Variants in RPS6KC1 observed in about 807,000 individuals in gnomAD.
The protein encoded by RPS6KC1 is ribosomal protein S6 kinase C1.
Under a neutral mutation model 103.8 loss-of-function variants are expected in RPS6KC1, and 54 were observed. That is an observed-to-expected ratio of 0.52 (90% CI 0.42 to 0.65). The LOEUF is 0.65. Ranked by LOEUF, RPS6KC1 falls within the 30% of genes least tolerant of loss-of-function variation. The probability of loss-of-function intolerance (pLI) is 0.00; values close to 1 mark genes in which losing one functional copy is unlikely to be tolerated. For missense variants in RPS6KC1, 1,151 were observed against 1,253.8 expected, an observed-to-expected ratio of 0.92 and a Z score of 1.24; for synonymous variants, 439 against 438.7, an observed-to-expected ratio of 1.00 and a Z score of -0.01.
the RPS6KC1 span, among the ~76,000 whole-genome samples, chr1:213,300,808 G>A: frequency 2.0e-5 from 3 of 152,196 alleles, no homozygotes; most frequent in Non-Finnish European, 2.9e-5. Context: ...TTAAATGTTC[G>A]CCAAATATCA....
the RPS6KC1 span, among the ~76,000 whole-genome samples, chr1:213,683,857 C>T: frequency 1.3e-5 from 2 of 152,108 alleles, no homozygotes; most frequent in African/African-American, 4.8e-5. Context: ...TCCCTCCTCA[C>T]CCTGGGAAAG....
At chr1:213,200,640 A>G (rs190400954) in intron 8 of RPS6KC1, among the ~76,000 whole-genome samples, 230 of 152,358 alleles carry the variant, frequency 1.5e-3, no homozygotes, top group Non-Finnish European at 2.8e-3. Context: ...AATGGGATCT[A>G]TTTAAACTAA....
At chr1:213,305,795 T>G in the RPS6KC1 span, among the ~76,000 whole-genome samples, 1 of 152,186 alleles carries the variant, frequency 6.6e-6, no homozygotes, top group African/African-American at 2.4e-5. Flanking sequence ...CCAGCTCATC[T>G]CTCCTATGTG....
At chr1:213,649,725 A>G in the RPS6KC1 span, among the ~76,000 whole-genome samples, 1 of 152,062 alleles carries the variant, frequency 6.6e-6, no homozygotes, top group Admixed American at 6.6e-5. Flanking sequence ...GCTCCTCGAG[A>G]GCTAGGACTG....
chr1:213,431,822 C>A, the RPS6KC1 span, among the ~76,000 whole-genome samples: 1 of 152,054 alleles, frequency 6.6e-6, no homozygotes, highest in Non-Finnish European at 1.5e-5. Context: ...GCATGCACTA[C>A]GGATGAAATT....
chr1:213,773,021 C>G, the RPS6KC1 span, among the ~76,000 whole-genome samples: 1 of 152,172 alleles, frequency 6.6e-6, no homozygotes, highest in Non-Finnish European at 1.5e-5. Flanking sequence ...AACGTCCCCT[C>G]TAAAGACCAT....
At chr1:213,403,224 C>T in the RPS6KC1 span, among the ~76,000 whole-genome samples, 68 of 152,266 alleles carry the variant, frequency 4.5e-4, no homozygotes, top group Middle Eastern at 3.4e-3. Context: ...CCACTTGCCA[C>T]GCTTTTCAAC....
chr1:213,769,515 G>GAA, the RPS6KC1 span, among the ~76,000 whole-genome samples: 1 of 67,228 alleles, frequency 1.5e-5, no homozygotes, highest in Admixed American at 1.6e-4. Context: ...GAGAGAGATG[G>GAA]ACAGAGAGAG....
chr1:213,149,193 T>C (rs2088285947), intron 6 of RPS6KC1, among the ~76,000 whole-genome samples: 1 of 152,174 alleles, frequency 6.6e-6, no homozygotes. Flanking sequence ...TTATTATTTT[T>C]TTCTACTCAT....
At chr1:213,818,918 T>C in the RPS6KC1 span, 1 of 152,236 alleles carries the variant, frequency 6.6e-6, no homozygotes, top group Non-Finnish European at 1.5e-5. Flanking sequence ...CTGGGAGTGT[T>C]CGCTAGTCCT....
Position 213,272,794 on chromosome 1 carries a change from G to C in RPS6KC1, c.*160G>C. ...GGAAATGGCTAAAAGAGAACAATTC[G>C]TTTACAATTACAAGATATTAGCTAA... On this transcript the variant is annotated 3_prime_UTR_variant, in exon 15 of 15. Transcript: ENST00000366960. 1 of 564,460 alleles carries C rather than the reference G, an allele frequency of 1.8e-6. No individual in the cohort carries two copies. Among genetic ancestry groups the C allele is most frequent in the Non-Finnish European group, 3.2e-6 (1 of 311,642 alleles). 35.0% of individuals were successfully genotyped at this position (564,460 alleles called of 1,614,324 possible). A position where few individuals can be genotyped will look rare whatever the true frequency, so the allele number is the denominator to read the frequency against.
the RPS6KC1 span, among the ~76,000 whole-genome samples, chr1:213,543,840 G>C: frequency 6.6e-6 from 1 of 152,130 alleles, no homozygotes; most frequent in African/African-American, 2.4e-5. Flanking sequence ...ATAGAGTGTA[G>C]ACTTGGCTTA....
chr1:213,054,125 C>T (rs191709198), intron 1 of RPS6KC1, among the ~76,000 whole-genome samples: 2 of 152,278 alleles, frequency 1.3e-5, no homozygotes, highest in South Asian at 2.1e-4. Flanking sequence ...CGTGAGCCAC[C>T]GCATTGGCCA....
the RPS6KC1 span, among the ~76,000 whole-genome samples, chr1:213,688,209 G>T: frequency 1.3e-5 from 2 of 152,094 alleles, no homozygotes; most frequent in Admixed American, 1.3e-4. Flanking sequence ...TTCTTCCTCC[G>T]TCTCGGTCTG....
the RPS6KC1 span, among the ~76,000 whole-genome samples, chr1:213,768,794 G>A: frequency 6.6e-6 from 1 of 152,192 alleles, no homozygotes; most frequent in Non-Finnish European, 1.5e-5. Flanking sequence ...GAAAATTCAA[G>A]TTTTGAAGAG....
At chr1:213,483,446 G>A in the RPS6KC1 span, among the ~76,000 whole-genome samples, 1 of 152,080 alleles carries the variant, frequency 6.6e-6, no homozygotes, top group Non-Finnish European at 1.5e-5. Context: ...CAAAGTTTTG[G>A]ACATAATAAA....
chr1:213,363,621 GCTTGCTTTCTTTCTTTCTTTCTTTCTTT>G, the RPS6KC1 span, among the ~76,000 whole-genome samples: 99 of 85,984 alleles, frequency 1.2e-3, 2 homozygotes, highest in South Asian at 4.6e-3. Flanking sequence ...TTGCTTGCTT[GCTTGCTTTCTTTCTTTCTTTCTTTCTTT>G]CTTTCTTTCT....
chr1:213,538,692 A>G, the RPS6KC1 span, among the ~76,000 whole-genome samples: 1 of 152,112 alleles, frequency 6.6e-6, no homozygotes, highest in East Asian at 1.9e-4. Context: ...CAGGAGGAAA[A>G]TGACAGTACC....
the RPS6KC1 span, among the ~76,000 whole-genome samples, chr1:213,828,514 G>A: frequency 3.3e-5 from 5 of 152,234 alleles, no homozygotes; most frequent in Non-Finnish European, 7.3e-5. Context: ...ATCAGAAACC[G>A]GATTGAACTT....
Sources: gnomAD v4.1 joint callset for allele counts (sites outside exome capture counted in the v4.1 genomes callset) on GRCh38, gnomAD v4.1.1 for gene constraint, MANE v1.5 for transcripts, NCBI Gene and HGNC (gene_info 2026-07-23, HGNC 2026-07-21) for gene names.